The following RBPJ variants were observed in gnomAD, a reference collection of about 807,000 sequenced individuals.
The protein encoded by RBPJ is recombining binding protein suppressor of hairless.
RBPJ carries 9 observed loss-of-function variants against 67.8 expected under a neutral mutation model. The observed-to-expected ratio is 0.13, with a 90% CI of 0.08 to 0.23. The LOEUF is 0.23. Ranked by LOEUF, RBPJ falls within the 10% of genes least tolerant of loss-of-function variation. The pLI is 1.00. For missense variants in RBPJ, 305 were observed against 595.6 expected, an observed-to-expected ratio of 0.51 and a Z score of 5.08; for synonymous variants, 198 against 203.3, an observed-to-expected ratio of 0.97 and a Z score of 0.22.
chr4:26,247,770 A>G (rs980398114), intron 1 of RBPJ, among the ~76,000 whole-genome samples: 1 of 152,172 alleles, frequency 6.6e-6, no homozygotes, highest in Non-Finnish European at 1.5e-5. Flanking sequence ...CACTATTACT[A>G]ATATAAAGAC....
chr4:26,187,879 T>G (rs529049736), intron 1 of RBPJ, among the ~76,000 whole-genome samples: 3 of 151,700 alleles, frequency 2.0e-5, no homozygotes, highest in Non-Finnish European at 4.4e-5. Context: ...AAAAAAAAAT[T>G]AGCCAGGTGT....
the RBPJ span, among the ~76,000 whole-genome samples, chr4:26,140,955 C>A: frequency 6.6e-6 from 1 of 152,084 alleles, no homozygotes; most frequent in Non-Finnish European, 1.5e-5. Flanking sequence ...CATCTCTGAA[C>A]AATTCATCTC....
Position 26,291,791 on chromosome 4 carries a change from G to T in RBPJ, c.-166-70655G>T, listed in dbSNP as rs568122678. Among the ~76,000 whole-genome samples the T allele has an allele frequency of 1.2e-3, 186 of 150,726 alleles. 4 individuals carry two copies. The South Asian group carries it at 0.038, about 30-fold the overall frequency. On this transcript the variant is annotated intron_variant, in intron 1 of 4. Transcript: ENST00000512351. ...GGGTTTCACCATGTTGGCCAGGCTG[G>T]TCTTGAACTCCTGACCTCCGTTGAT...
At chr4:26,423,014 A>C (rs1207662490) in intron 5 of RBPJ, among the ~76,000 whole-genome samples, 1 of 152,250 alleles carries the variant, frequency 6.6e-6, no homozygotes, top group Non-Finnish European at 1.5e-5. Context: ...TATTTAAGTA[A>C]GTTGAAACAT....
At chr4:26,228,080 C>G (rs1252495622) in intron 1 of RBPJ, among the ~76,000 whole-genome samples, 1 of 152,232 alleles carries the variant, frequency 6.6e-6, no homozygotes, top group African/African-American at 2.4e-5. Flanking sequence ...CTGCGCCCCA[C>G]CCATCCCTTA....
chr4:26,411,164 A>T (rs1413975665), intron 3 of RBPJ, among the ~76,000 whole-genome samples: 1 of 152,124 alleles, frequency 6.6e-6, no homozygotes, highest in African/African-American at 2.4e-5. Flanking sequence ...TAATCCCAAC[A>T]CTTTGAGAGG....
intron 1 of RBPJ, among the ~76,000 whole-genome samples, chr4:26,294,072 G>A (rs1721768331): frequency 3.5e-5 from 1 of 28,344 alleles, no homozygotes; most frequent in South Asian, 6.4e-4. Context: ...AGTTGTTTTT[G>A]TTTTTGTTTT....
chr4:26,205,935 C>T (rs1218104407), intron 1 of RBPJ, among the ~76,000 whole-genome samples: 1 of 151,964 alleles, frequency 6.6e-6, no homozygotes, highest in Non-Finnish European at 1.5e-5. Flanking sequence ...AAATGAAACT[C>T]AAGTTACAAA....
chr4:26,214,313 G>C (rs1036374733), intron 1 of RBPJ, among the ~76,000 whole-genome samples: 1 of 136,758 alleles, frequency 7.3e-6, no homozygotes, highest in Non-Finnish European at 1.6e-5. Context: ...AGGAGACAGA[G>C]AAGGAGGGAG....
At chr4:26,114,397 C>T in the RBPJ span, among the ~76,000 whole-genome samples, 3 of 149,842 alleles carry the variant, frequency 2.0e-5, no homozygotes, top group Non-Finnish European at 4.4e-5. Context: ...ATGGAGCTTG[C>T]AGTGAGCCAA....
chr4:26,278,092 A>G (rs1354193220), intron 1 of RBPJ, among the ~76,000 whole-genome samples: 2 of 152,174 alleles, frequency 1.3e-5, no homozygotes, highest in African/African-American at 4.8e-5. Flanking sequence ...TGGCATTGAC[A>G]TTCTGATTAG....
Position 26,238,770 on chromosome 4 carries a change from A to G in RBPJ, c.-167+75156A>G, listed in dbSNP as rs576384771. ...CCAGAAGTGGTGGGGTCGCGGGAGG[A>G]TATCTAGAGACAAGGAGGCAGGTGG... On this transcript the variant is annotated intron_variant, in intron 1 of 4. Coordinates refer to the RBPJ transcript ENST00000512351. Among the ~76,000 whole-genome samples the G allele has an allele frequency of 1.6e-3, 250 of 152,208 alleles. 1 individual carries two copies. The highest frequency in any genetic ancestry group is 3.0e-3 in the Non-Finnish European group (203 of 68,004).
intron 2 of RBPJ, among the ~76,000 whole-genome samples, chr4:26,402,167 C>T (rs956853217): frequency 1.3e-5 from 2 of 152,244 alleles, no homozygotes; most frequent in Non-Finnish European, 2.9e-5. Flanking sequence ...GGATTACAGC[C>T]GTGTGCCACT....
chr4:26,177,051 A>G (rs1242618450), intron 1 of RBPJ, among the ~76,000 whole-genome samples: 1 of 152,228 alleles, frequency 6.6e-6, no homozygotes, highest in African/African-American at 2.4e-5. Flanking sequence ...GACTTGTGAC[A>G]CTGTGAGTTT....
chr4:26,420,474 A>C, intron 4 of RBPJ, 77 bp from the exon 5 acceptor site: 2 of 921,286 alleles, frequency 2.2e-6, no homozygotes, highest in Non-Finnish European at 3.1e-6. Context: ...TACTTAAACC[A>C]TGGCCATTCT....
At chr4:26,207,832 C>A (rs1420390717) in intron 1 of RBPJ, among the ~76,000 whole-genome samples, 1 of 152,182 alleles carries the variant, frequency 6.6e-6, no homozygotes, top group African/African-American at 2.4e-5. Flanking sequence ...CTGGAAACCA[C>A]AACAACACAC....
rs34410290 is a variant in RBPJ at position 26,345,722 on chromosome 4, C to A, written c.20+24674C>A. ...TGTACTCTCAGGGATTCCCAAGCTG[C>A]TACTTCTGCTTTTTAACTCTCATTA... On this transcript the variant is annotated intron_variant, in intron 1 of 10. Coordinates refer to ENST00000355476, the MANE Select transcript of RBPJ (RefSeq NM_015874.6). Among the ~76,000 whole-genome samples, 1,394 of 152,280 alleles carry A rather than the reference C, an allele frequency of 9.2e-3. 17 individuals are homozygous for A. The highest frequency in any genetic ancestry group is 0.032 in the African/African-American group (1,330 of 41,552).
intron 1 of RBPJ, among the ~76,000 whole-genome samples, chr4:26,289,839 T>C (rs1721608898): frequency 6.6e-6 from 1 of 150,716 alleles, no homozygotes; most frequent in South Asian, 2.1e-4. Flanking sequence ...AATTGAAGGT[T>C]GATCTGTCTG....
intron 1 of RBPJ, among the ~76,000 whole-genome samples, chr4:26,274,249 C>T (rs1466405138): frequency 6.6e-6 from 1 of 152,124 alleles, no homozygotes; most frequent in Non-Finnish European, 1.5e-5. Context: ...AGTAGGCGCT[C>T]GATAAGTATT....
Sources: allele counts gnomAD v4.1 joint callset (sites outside exome capture counted in the v4.1 genomes callset), GRCh38; gene constraint gnomAD v4.1.1; transcripts MANE v1.5; gene names NCBI Gene and HGNC (gene_info 2026-07-23, HGNC 2026-07-21).